The following DOK5 variants were observed in gnomAD, a reference collection of about 807,000 sequenced individuals.
DOK5 encodes downstream of tyrosine kinase 5.
In DOK5, 27 loss-of-function variants were observed where a neutral mutation model predicts 43.3. That is an observed-to-expected ratio of 0.62 (90% CI 0.46 to 0.86). The LOEUF (loss-of-function observed/expected upper bound fraction) is 0.86. Among genes scored for constraint, DOK5 ranks in the 40% least tolerant of loss-of-function variants. DOK5 has a pLI of 0.00. For missense variants in DOK5, 373 were observed against 392.9 expected, an observed-to-expected ratio of 0.95 and a Z score of 0.43; for synonymous variants, 146 against 140.1, an observed-to-expected ratio of 1.04 and a Z score of -0.30.
chr20:54,502,844 A>G (rs539503342), intron 1 of DOK5, among the ~76,000 whole-genome samples: 19 of 152,232 alleles, frequency 1.2e-4, no homozygotes, highest in Middle Eastern at 6.8e-3. Flanking sequence ...TGTTGATTAT[A>G]TTTTATCATT....
At chr20:54,526,726 T>C (rs1298722310) in intron 1 of DOK5, among the ~76,000 whole-genome samples, 1 of 152,174 alleles carries the variant, frequency 6.6e-6, no homozygotes, top group East Asian at 1.9e-4. Flanking sequence ...CAATAATAGG[T>C]ATCTCTTTAT....
intron 1 of DOK5, among the ~76,000 whole-genome samples, chr20:54,513,166 C>G (rs1568761661): frequency 5.3e-5 from 8 of 152,118 alleles, no homozygotes; most frequent in Admixed American, 5.2e-4. Flanking sequence ...AGAGTGTACC[C>G]AGGGATGCTC....
intron 1 of DOK5, among the ~76,000 whole-genome samples, chr20:54,488,056 A>G (rs997168897): frequency 6.6e-6 from 1 of 152,206 alleles, no homozygotes; most frequent in Non-Finnish European, 1.5e-5. Flanking sequence ...CCCTAGCAAA[A>G]TTGACTCTTT....
chr20:54,567,913 G>A lies in DOK5; in HGVS notation c.174+12873G>A, dbSNP rs1376454370. 3.3e-5 allele frequency among the ~76,000 whole-genome samples: 5 copies of A among 152,026 alleles called. No homozygotes were observed. In the East Asian group the frequency reaches 9.6e-4, roughly 29 times the overall value. ...TATGTGTTTTATTACATTTATACCT[G>A]ATTATTTCATTTAATTTGTATTAAA... On this transcript the variant is annotated intron_variant, in intron 2 of 7. Coordinates refer to ENST00000262593, the MANE Select transcript of DOK5 (RefSeq NM_018431.5).
At chr20:54,587,943 C>T (rs1254911661) in intron 2 of DOK5, among the ~76,000 whole-genome samples, 4 of 152,170 alleles carry the variant, frequency 2.6e-5, no homozygotes, top group Admixed American at 2.0e-4. Context: ...GGGGTCGTTT[C>T]TGAGACTCTT....
At chr20:54,567,059 G>T (rs1319185458) in intron 2 of DOK5, among the ~76,000 whole-genome samples, 2 of 151,874 alleles carry the variant, frequency 1.3e-5, no homozygotes, top group African/African-American at 4.8e-5. Context: ...GTGTGCGTTT[G>T]TGTGTGTGCG....
chr20:54,483,999 G>A (rs1981827218), intron 1 of DOK5, among the ~76,000 whole-genome samples: 1 of 152,162 alleles, frequency 6.6e-6, no homozygotes, highest in Non-Finnish European at 1.5e-5. Flanking sequence ...CTGAGACAAT[G>A]CTTTGCAGCT....
chr20:54,570,644 C>CT (rs541653154), intron 2 of DOK5, among the ~76,000 whole-genome samples: 47 of 148,800 alleles, frequency 3.2e-4, no homozygotes, highest in South Asian at 1.5e-3. Context: ...AAATCTGATC[C>CT]TTTTTTTTTT....
intron 6 of DOK5, among the ~76,000 whole-genome samples, chr20:54,639,994 G>T (rs1056302691): frequency 2.6e-5 from 4 of 152,176 alleles, no homozygotes; most frequent in African/African-American, 9.7e-5. Context: ...GCAGCTCTGG[G>T]TGCCAAATGG....
intron 2 of DOK5, among the ~76,000 whole-genome samples, chr20:54,586,444 G>T (rs1406764323): frequency 6.6e-6 from 1 of 152,148 alleles, no homozygotes; most frequent in Non-Finnish European, 1.5e-5. Context: ...GTAAATTTAT[G>T]GGTGAGTTGG....
chr20:54,574,449 T>A (rs907990231), intron 2 of DOK5, among the ~76,000 whole-genome samples: 1 of 152,112 alleles, frequency 6.6e-6, no homozygotes, highest in Admixed American at 6.5e-5. Context: ...GCTCACCTAT[T>A]GACACATCTG....
intron 1 of DOK5, chr20:54,495,076 T>C (rs1982338413): frequency 6.6e-6 from 1 of 151,928 alleles, no homozygotes; most frequent in Non-Finnish European, 1.5e-5. Context: ...TCATATTTTA[T>C]TTACTATGTT....
intron 1 of DOK5, among the ~76,000 whole-genome samples, chr20:54,527,948 C>T (rs1313788766): frequency 1.3e-5 from 2 of 152,084 alleles, no homozygotes; most frequent in African/African-American, 2.4e-5. Flanking sequence ...GGCTCATGCC[C>T]GTAATCCCAG....
chr20:54,552,800 T>G (rs1465372937), intron 1 of DOK5, among the ~76,000 whole-genome samples: 1 of 151,786 alleles, frequency 6.6e-6, no homozygotes, highest in Non-Finnish European at 1.5e-5. Flanking sequence ...GTGGATTTCG[T>G]TTTTTCACCC....
intron 6 of DOK5, among the ~76,000 whole-genome samples, chr20:54,620,122 G>A (rs1386619587): frequency 6.6e-6 from 1 of 152,042 alleles, no homozygotes; most frequent in Admixed American, 6.5e-5. Context: ...TTATATCCTG[G>A]CATATTAATT....
rs373512558 is a variant in DOK5, at chr20:54,480,976, CT to C, written c.66+4965del. 1.2e-3 allele frequency among the ~76,000 whole-genome samples: 104 copies of C among 83,292 alleles called. 1 individual carries two copies. The highest frequency in any genetic ancestry group is 4.7e-3 in the Admixed American group (31 of 6,568). 54.6% of individuals were successfully genotyped at this position (83,292 alleles called of 152,430 possible). On this transcript the variant is annotated intron_variant, in intron 1 of 7. Coordinates refer to ENST00000262593, the MANE Select transcript of DOK5 (RefSeq NM_018431.5). The stretch of plus-strand genomic sequence containing the variant: ...CATCTATCTATCATCTATCATCTAT[CT>C]ATCTATCATCTATCATCTATCTATC...
intron 1 of DOK5, among the ~76,000 whole-genome samples, chr20:54,528,849 T>TA (rs983507176): frequency 1.1e-4 from 17 of 150,762 alleles, no homozygotes; most frequent in South Asian, 2.1e-4. Flanking sequence ...AATAATGAGT[T>TA]AAAAAAAAAG....
intron 1 of DOK5, among the ~76,000 whole-genome samples, chr20:54,496,683 A>G (rs562439603): frequency 4.7e-5 from 7 of 149,210 alleles, no homozygotes; most frequent in South Asian, 4.3e-4. Flanking sequence ...GGAGAATGGC[A>G]TGAACACGGG....
rs574283810 is a variant in DOK5 at position 54,604,037 on chromosome 20, C to G, written c.600-6351C>G. On this transcript the variant is annotated intron_variant, in intron 5 of 7. Coordinates refer to ENST00000262593, the MANE Select transcript of DOK5 (RefSeq NM_018431.5). ...TCTCGGCTCACTGCAAGCTCCGCCT[C>G]CCGGGTTCACGCCGTTCTCCTGCCT... Among the ~76,000 whole-genome samples, 44 of 150,430 alleles carry G rather than the reference C, an allele frequency of 2.9e-4. No individual in the cohort carries two copies. In the East Asian group the frequency reaches 7.9e-3, roughly 27 times the overall value.
Sources: gnomAD v4.1 joint callset for allele counts (sites outside exome capture counted in the v4.1 genomes callset) on GRCh38, gnomAD v4.1.1 for gene constraint, MANE v1.5 for transcripts, NCBI Gene and HGNC (gene_info 2026-07-23, HGNC 2026-07-21) for gene names.